Variants in ASIC2 observed in about 807,000 individuals in gnomAD.
ASIC2 encodes acid sensing ion channel subunit 2.
A neutral mutation model predicts 57.3 loss-of-function variants in ASIC2; 25 were observed. That is an observed-to-expected ratio of 0.44 (90% CI 0.32 to 0.61). The LOEUF is 0.61. Among genes scored for constraint, ASIC2 ranks in the 20% least tolerant of loss-of-function variants. The pLI is 0.06. For missense variants in ASIC2, 641 were observed against 738.1 expected (o/e 0.87, Z 1.52); for synonymous variants, 319 against 307.5 (o/e 1.04, Z -0.39).
At chr17:33,734,744 C>T (rs1175167244) in intron 1 of ASIC2, among the ~76,000 whole-genome samples, 1 of 152,108 alleles carries the variant, frequency 6.6e-6, no homozygotes, top group Non-Finnish European at 1.5e-5. Context: ...TCTCTGTGCA[C>T]ACAGAGAAAA....
intron 1 of ASIC2, among the ~76,000 whole-genome samples, chr17:33,517,139 A>T (rs1914596737): frequency 6.6e-6 from 1 of 152,158 alleles, no homozygotes; most frequent in South Asian, 2.1e-4. Flanking sequence ...ATTTTGAGAC[A>T]GAGTCTCGTT....
intron 1 of ASIC2, among the ~76,000 whole-genome samples, chr17:33,495,555 C>T (rs561851011): frequency 5.4e-4 from 83 of 152,302 alleles, no homozygotes; most frequent in African/African-American, 1.8e-3. Flanking sequence ...ATTGATCTTG[C>T]GTGCCTGTTT....
intron 1 of ASIC2, among the ~76,000 whole-genome samples, chr17:33,420,173 C>T (rs1030389167): frequency 2.0e-5 from 3 of 152,190 alleles, no homozygotes; most frequent in Admixed American, 6.5e-5. Context: ...AGCTGCTGAG[C>T]TTCTCATTGC....
In ASIC2 at chr17:33,697,410, C is replaced by A. The variant is rs183693528; in HGVS notation, c.555+458568G>T. ...GTTGACAGAGGCAGGAGAAAATCCA[C>A]ATAGAAGTTGACTCTTGCAGTTCAA... On this transcript the variant is annotated intron_variant, in intron 1 of 9. Transcript: ENST00000359872. Among the ~76,000 whole-genome samples, 3 of 152,290 alleles carry A rather than the reference C, an allele frequency of 2.0e-5. No individual in the cohort carries two copies. The East Asian group carries it at 5.8e-4, about 29-fold the overall frequency.
At chr17:33,202,061 A>G (rs898087068) in intron 1 of ASIC2, among the ~76,000 whole-genome samples, 1 of 151,924 alleles carries the variant, frequency 6.6e-6, no homozygotes, top group Admixed American at 6.6e-5. Context: ...AAAAGAAAAA[A>G]AAAGGTGCCG....
At chr17:33,333,091 G>A (rs1291726655) in intron 1 of ASIC2, among the ~76,000 whole-genome samples, 1 of 152,180 alleles carries the variant, frequency 6.6e-6, no homozygotes, top group Non-Finnish European at 1.5e-5. Flanking sequence ...GGAAGGAATT[G>A]GCCTTGGGGA....
intron 1 of ASIC2, among the ~76,000 whole-genome samples, chr17:33,271,533 G>C (rs1243238817): frequency 6.6e-6 from 1 of 152,132 alleles, no homozygotes; most frequent in Non-Finnish European, 1.5e-5. Context: ...CATGTTACCA[G>C]GATCAGCCCA....
rs375575593 is a variant in ASIC2 at position 33,610,054 on chromosome 17, G to GCGCGCACACACACACA, written c.556-497988_556-497987insTGTGTGTGTGTGCGCG. 1.3e-3 allele frequency among the ~76,000 whole-genome samples: 184 copies of GCGCGCACACACACACA among 144,844 alleles called. 2 individuals are homozygous for GCGCGCACACACACACA. The highest frequency in any genetic ancestry group is 4.6e-3 in the African/African-American group (177 of 38,434). ...CTTCACTGGGACCCTGGACAGAGGC[G>GCGCGCACACACACACA]CACACACACACACACACACACACAC... is the stretch of plus-strand genomic sequence containing the variant. On this transcript the variant is annotated intron_variant, in intron 1 of 9. Transcript: ENST00000359872.
At chr17:34,116,591 T>G (rs1036019091) in intron 1 of ASIC2, among the ~76,000 whole-genome samples, 1 of 152,176 alleles carries the variant, frequency 6.6e-6, no homozygotes, top group African/African-American at 2.4e-5. Context: ...TTCTTTCATT[T>G]CTTACCAATC....
At chr17:33,019,992 T>C (rs1281949513) in intron 7 of ASIC2, among the ~76,000 whole-genome samples, 1 of 151,772 alleles carries the variant, frequency 6.6e-6, no homozygotes, top group Non-Finnish European at 1.5e-5. Context: ...TAGGGGTGAG[T>C]GAGGGGTCTA....
chr17:33,125,947 A>C (rs572573563), intron 1 of ASIC2, among the ~76,000 whole-genome samples: 2 of 152,176 alleles, frequency 1.3e-5, no homozygotes, highest in African/African-American at 4.8e-5. Flanking sequence ...TAAGGAAGCA[A>C]TTATTTCGGG....
intron 1 of ASIC2, among the ~76,000 whole-genome samples, chr17:33,570,558 T>C (rs1446851194): frequency 1.3e-5 from 2 of 152,258 alleles, no homozygotes; most frequent in East Asian, 3.8e-4. Context: ...TTTCTGTGAA[T>C]TGATTAGTCC....
rs926119259 is a variant in ASIC2 at position 34,098,522 on chromosome 17, G to A, written c.555+57456C>T. Among the ~76,000 whole-genome samples, 2 of 152,156 alleles carry A rather than the reference G, an allele frequency of 1.3e-5. 1 individual carries two copies. Among genetic ancestry groups the A allele is most frequent in the South Asian group, 4.1e-4 (2 of 4,828 alleles). On this transcript the variant is annotated intron_variant, in intron 1 of 9. Transcript: ENST00000359872. The stretch of plus-strand genomic sequence containing the variant: ...GAAAAATGAGGGCGAATGTGCTCAG[G>A]GAAGGGCCCTGGGAGACAAGTTACT...
At chr17:33,736,302 A>G (rs925727487) in intron 1 of ASIC2, among the ~76,000 whole-genome samples, 1 of 152,102 alleles carries the variant, frequency 6.6e-6, no homozygotes, top group Non-Finnish European at 1.5e-5. Flanking sequence ...ACAGTGCCCG[A>G]GGCAGCGATA....
chr17:33,696,580 G>T (rs1357121779), intron 1 of ASIC2, among the ~76,000 whole-genome samples: 6 of 152,114 alleles, frequency 3.9e-5, no homozygotes, highest in African/African-American at 7.2e-5. Context: ...TGGGAGGTGG[G>T]TCTATACATT....
chr17:33,083,864 T>G (rs1011619498), intron 3 of ASIC2, among the ~76,000 whole-genome samples: 1 of 151,612 alleles, frequency 6.6e-6, no homozygotes, highest in African/African-American at 2.4e-5. Context: ...AATGTAAGGG[T>G]GTTATGTTGG....
chr17:33,170,846 G>A (rs1337686659), intron 1 of ASIC2, among the ~76,000 whole-genome samples: 1 of 152,196 alleles, frequency 6.6e-6, no homozygotes, highest in African/African-American at 2.4e-5. Flanking sequence ...GAGATCAGGA[G>A]CTCTCTACTT....
chr17:33,760,292 A>G (rs1170529099), intron 1 of ASIC2, among the ~76,000 whole-genome samples: 1 of 152,088 alleles, frequency 6.6e-6, no homozygotes, highest in Non-Finnish European at 1.5e-5. Flanking sequence ...ATATATATAT[A>G]GTATTTATAA....
chr17:33,254,818 C>T (rs1018267794), intron 1 of ASIC2, among the ~76,000 whole-genome samples: 4 of 152,020 alleles, frequency 2.6e-5, no homozygotes, highest in African/African-American at 9.7e-5. Flanking sequence ...TGCTAAATAT[C>T]CTCATTTTTG....
Sources: allele counts gnomAD v4.1 joint callset (sites outside exome capture counted in the v4.1 genomes callset), GRCh38; gene constraint gnomAD v4.1.1; transcripts MANE v1.5; gene names NCBI Gene and HGNC (gene_info 2026-07-23, HGNC 2026-07-21).